The following FCGR2A variants were observed in gnomAD, a reference collection of about 807,000 sequenced individuals.
FCGR2A encodes the protein Fc gamma receptor IIa.
In FCGR2A, 18 loss-of-function variants were observed where a neutral mutation model predicts 29.3. The observed-to-expected ratio is 0.62, with a 90% CI of 0.43 to 0.91. The LOEUF (loss-of-function observed/expected upper bound fraction) is 0.91, where lower values mean the gene tolerates loss of function less well. FCGR2A is among the 40% of genes least tolerant of loss of function. The pLI is 0.00. For synonymous variants in FCGR2A, 126 were observed against 144.8 expected, an observed-to-expected ratio of 0.87 and a Z score of 0.93; for missense variants, 287 against 393.0, an observed-to-expected ratio of 0.73 and a Z score of 2.28.
intron 3 of FCGR2A, among the ~76,000 whole-genome samples, chr1:161,508,587 C>CA (rs10648106): frequency 0.012 from 1,082 of 88,304 alleles, 13 homozygotes; most frequent in Non-Finnish European, 0.016. Context: ...AACTCCATCT[C>CA]AAAAAAAAAA....
In FCGR2A at chr1:161,509,932, T is replaced by C; in HGVS notation, c.477T>C (p.Asn159=). Residue 159 remains asparagine, a synonymous_variant, in exon 4 of 7, where the codon AAT becomes AAC. Transcript: ENST00000271450. ...KPLVKVTFFQ[N]GKSQKFSHLD... is the part of the protein sequence containing the mutation. Reference sequence around the variant, plus strand: ...TGGTCAAGGTCACATTCTTCCAGAATGGAAAATCCCAGAAATTCTCCCATT... The same window carrying C: ...TGGTCAAGGTCACATTCTTCCAGAACGGAAAATCCCAGAAATTCTCCCATT... The C allele has an allele frequency of 6.2e-7, 1 of 1,614,168 alleles. No individual in the cohort carries two copies. Among genetic ancestry groups the C allele is most frequent in the Non-Finnish European group, 8.5e-7 (1 of 1,179,992 alleles).
At chr1:161,522,367 A>G (rs948424685), downstream of FCGR2A, among the ~76,000 whole-genome samples, 4 of 152,220 alleles carry the variant, frequency 2.6e-5, no homozygotes, top group East Asian at 5.8e-4. Context: ...GTGATATTGG[A>G]AGCATGCCTC....
intron 3 of FCGR2A, 29 bp downstream of exon 3, chr1:161,506,620 C>G (rs2102457948): frequency 6.2e-7 from 1 of 1,613,424 alleles, no homozygotes; most frequent in Non-Finnish European, 8.5e-7. Flanking sequence ...CAGGGTGGAC[C>G]TGGGAGGGCC....
downstream of FCGR2A, among the ~76,000 whole-genome samples, chr1:161,521,923 G>A (rs549277542): frequency 1.2e-4 from 19 of 152,200 alleles, no homozygotes; most frequent in Non-Finnish European, 2.5e-4. Context: ...TCAATATTGA[G>A]TCGTGAGCTT....
intron 5 of FCGR2A, among the ~76,000 whole-genome samples, chr1:161,511,212 G>A (rs942071923): frequency 1.3e-5 from 2 of 152,188 alleles, no homozygotes; most frequent in African/African-American, 4.8e-5. Context: ...ACACAAACAG[G>A]GCTGTTGCCA....
At chr1:161,516,746 C>A (rs1033142521) in intron 6 of FCGR2A, among the ~76,000 whole-genome samples, 1 of 147,914 alleles carries the variant, frequency 6.8e-6, no homozygotes, top group Non-Finnish European at 1.5e-5. Flanking sequence ...AAATTCTAGG[C>A]CTGTTCATTT....
chr1:161,522,049 T>G (rs1676474924), downstream of FCGR2A, among the ~76,000 whole-genome samples: 1 of 152,042 alleles, frequency 6.6e-6, no homozygotes. Flanking sequence ...TGTATAAAAT[T>G]TATACTAGGC....
rs6694457 is a variant in FCGR2A at position 161,518,091 on chromosome 1, T to C, written c.897T>C (p.Asp299=). 7,490 of 1,613,642 alleles carry C rather than the reference T, an allele frequency of 4.6e-3. 216 individuals are homozygous for C. In the African/African-American group the frequency reaches 0.086, roughly 19 times the overall value. The change falls in exon 7 of 7, where the codon GAT becomes GAC. Residue 299 remains aspartate, a synonymous_variant. Coordinates refer to ENST00000271450, the MANE Select transcript of FCGR2A (RefSeq NM_001136219.3). The stretch of plus-strand genomic sequence containing the variant: ...TGAACCCCAGGGCACCTACTGACGA[T>C]GATAAAAACATCTACCTGACTCTTC... ...MTLNPRAPTD[D]DKNIYLTLPP...
Position 161,509,908 on chromosome 1 carries a change from G to A in FCGR2A, c.453G>A (p.Leu151=). The A allele has an allele frequency of 6.2e-7, 1 of 1,614,186 alleles. No individual in the cohort carries two copies. The highest frequency in any genetic ancestry group is 8.5e-7 in the Non-Finnish European group (1 of 1,180,028). ...GCCACAGCTGGAAGGACAAGCCTCT[G>A]GTCAAGGTCACATTCTTCCAGAATG... ...LRCHSWKDKP[L]VKVTFFQNGK... The change falls in exon 4 of 7, where the codon CTG becomes CTA. Residue 151 remains leucine (L), a synonymous_variant. Coordinates refer to ENST00000271450, the MANE Select transcript of FCGR2A (RefSeq NM_001136219.3).
chr1:161,520,919 T>G (rs1025874790), downstream of FCGR2A, among the ~76,000 whole-genome samples: 6 of 151,952 alleles, frequency 3.9e-5, no homozygotes, highest in African/African-American at 1.2e-4. Context: ...CTGCTTTTCC[T>G]TGCTTGCTGT....
At chr1:161,506,627 G>C (rs1675426549) in intron 3 of FCGR2A, 36 bp downstream of exon 3, 1 of 1,612,076 alleles carries the variant, frequency 6.2e-7, no homozygotes, top group Non-Finnish European at 8.5e-7. Flanking sequence ...GACCTGGGAG[G>C]GCCAGGACGG....
chr1:161,510,040 G>A lies in FCGR2A; in HGVS notation c.585G>A (p.Leu195=), dbSNP rs763066799. The A allele has an allele frequency of 2.0e-5, 33 of 1,613,848 alleles. No individual in the cohort carries two copies. Among genetic ancestry groups the A allele is most frequent in the South Asian group, 1.6e-4 (15 of 91,082 alleles). Residue 195 remains leucine, a synonymous_variant, in exon 4 of 7, where the codon CTG becomes CTA. Coordinates refer to ENST00000271450, the MANE Select transcript of FCGR2A (RefSeq NM_001136219.3). ...YHCTGNIGYT[L]FSSKPVTITV... ...GCACAGGAAACATAGGCTACACGCT[G>A]TTCTCATCCAAGCCTGTGACCATCA... is the stretch of plus-strand genomic sequence containing the variant.
intron 2 of FCGR2A, 38 bp from the exon 3 acceptor site, chr1:161,506,291 TCAGGG>T (rs746126574): frequency 1.2e-6 from 2 of 1,610,848 alleles, no homozygotes; most frequent in Non-Finnish European, 1.7e-6. Context: ...CACAGTCCCT[TCAGGG>T]TTATTTATTC....
intron 6 of FCGR2A, 106 bp downstream of exon 6, chr1:161,514,038 G>A: frequency 2.6e-6 from 4 of 1,530,682 alleles, no homozygotes; most frequent in Non-Finnish European, 3.6e-6. Flanking sequence ...GACTGGGCCT[G>A]AAAACTCCTG....
In FCGR2A at chr1:161,518,212, A is replaced by G; in HGVS notation, c.*64A>G. On this transcript the variant is annotated 3_prime_UTR_variant, in exon 7 of 7. Transcript: ENST00000271450. ...CTGAGTGGATGACAAAAAGAGGGGA[A>G]TTGTTAAAGGAAAATTTAAATGGAG... 6.4e-7 allele frequency: 1 copy of G among 1,573,248 alleles called. No homozygotes were observed. Among genetic ancestry groups the G allele is most frequent in the Non-Finnish European group, 8.6e-7 (1 of 1,162,312 alleles).
rs1302641955 is a variant in FCGR2A, at chr1:161,512,545, C to T, written c.743-1350C>T. 3.3e-5 allele frequency among the ~76,000 whole-genome samples: 5 copies of T among 150,078 alleles called. No individual in the cohort carries two copies. The Admixed American group carries it at 3.3e-4, about 10-fold the overall frequency. On this transcript the variant is annotated intron_variant, in intron 5 of 6. Coordinates refer to ENST00000271450, the MANE Select transcript of FCGR2A (RefSeq NM_001136219.3). The stretch of plus-strand genomic sequence containing the variant: ...TGGCCAGGGTGACCTCTCAGGCCTT[C>T]TAGGTCTGACATTCAGGTGGGAGTA...
chr1:161,506,260 CTTGGGAGCTCCT>C, intron 2 of FCGR2A, 62 bp from the exon 3 acceptor site: 1 of 1,585,188 alleles, frequency 6.3e-7, no homozygotes, highest in South Asian at 1.1e-5. Flanking sequence ...CCTGACCTCC[CTTGGGAGCTCCT>C]TTGGCATCCA....
At chr1:161,523,591 C>T (rs1214096374), downstream of FCGR2A, 1 of 152,114 alleles carries the variant, frequency 6.6e-6, no homozygotes, top group Non-Finnish European at 1.5e-5. Context: ...GTGGGGAGAA[C>T]ATGAGGGACA....
intron 1 of FCGR2A, 64 bp downstream of exon 1, chr1:161,505,616 C>A: frequency 7.6e-7 from 1 of 1,324,300 alleles, no homozygotes; most frequent in Non-Finnish European, 1.1e-6. Context: ...ACTCCAGGTA[C>A]CAGTGTGGTA....
Sources: allele counts gnomAD v4.1 joint callset (sites outside exome capture counted in the v4.1 genomes callset), GRCh38; gene constraint gnomAD v4.1.1; transcripts MANE v1.5; gene names NCBI Gene and HGNC (gene_info 2026-07-23, HGNC 2026-07-21).